The following FARP1 variants were observed in gnomAD, a reference collection of about 807,000 sequenced individuals.
The protein encoded by FARP1 is FERM, ARH/RhoGEF and pleckstrin domain protein 1, also known as FERM, ARHGEF and pleckstrin domain-containing protein 1.
In FARP1, 52 loss-of-function variants were observed where a neutral mutation model predicts 128.8. The ratio of observed to expected loss-of-function variants is 0.40; its 90% CI spans 0.32 to 0.51. The LOEUF (loss-of-function observed/expected upper bound fraction) is 0.51. Among genes scored for constraint, FARP1 ranks in the 20% least tolerant of loss-of-function variants. The pLI, the probability that FARP1 is intolerant of heterozygous loss-of-function variation, is 0.45. For missense variants in FARP1, 1,333 were observed against 1,367.9 expected (o/e 0.97, Z 0.40); for synonymous variants, 580 against 551.8 (o/e 1.05, Z -0.72).
chr13:98,171,308 TG>T (rs1213076865), intron 1 of FARP1, among the ~76,000 whole-genome samples: 1 of 152,234 alleles, frequency 6.6e-6, no homozygotes, highest in Non-Finnish European at 1.5e-5. Context: ...AGAGGGTCCC[TG>T]GGTGCAAAGG....
At position 98,438,706 on chromosome 13, in the gene FARP1, CAG is replaced by C. The variant is rs1238528399; in HGVS notation, c.2275-97_2275-96del. ...GGTCTGCACGCTCGCAGTCAGCCCT[CAG>C]GGGCTACAAATTTAGCCCTCGGGGT... On this transcript the variant is annotated intron_variant, in intron 19 of 26. Coordinates refer to ENST00000319562, the MANE Select transcript of FARP1 (RefSeq NM_005766.4). The C allele has an allele frequency of 2.4e-5, 23 of 958,114 alleles. 1 individual carries two copies. Among genetic ancestry groups the C allele is most frequent in the South Asian group, 9.6e-5 (7 of 72,930 alleles). 59.4% of individuals were successfully genotyped at this position (958,114 alleles called of 1,614,324 possible). A position where few individuals can be genotyped will look rare whatever the true frequency, so the allele number is the denominator to read the frequency against.
chr13:98,267,075 C>T (rs1384876825), intron 2 of FARP1, among the ~76,000 whole-genome samples: 1 of 150,802 alleles, frequency 6.6e-6, no homozygotes, highest in African/African-American at 2.4e-5. Flanking sequence ...TATTATTTCA[C>T]CTAGGTGTTA....
intron 24 of FARP1, among the ~76,000 whole-genome samples, chr13:98,442,801 GAT>G (rs1048515943): frequency 2.6e-5 from 4 of 152,204 alleles, no homozygotes; most frequent in African/African-American, 9.6e-5. Context: ...GAAGCCAGTC[GAT>G]GTGTGGCGCC....
At chr13:98,417,570 T>A (rs1170911924) in intron 16 of FARP1, among the ~76,000 whole-genome samples, 1 of 151,488 alleles carries the variant, frequency 6.6e-6, no homozygotes, top group Non-Finnish European at 1.5e-5. Flanking sequence ...GGAAGGTAGT[T>A]CCTGGTGTAC....
chr13:98,181,073 A>G (rs986071677), intron 1 of FARP1, among the ~76,000 whole-genome samples: 2 of 151,800 alleles, frequency 1.3e-5, no homozygotes, highest in Non-Finnish European at 2.9e-5. Flanking sequence ...TTAAGACAGA[A>G]TTTTGCTCTT....
At chr13:98,209,155 C>T (rs1177140448) in intron 1 of FARP1, among the ~76,000 whole-genome samples, 2 of 152,024 alleles carry the variant, frequency 1.3e-5, no homozygotes, top group African/African-American at 4.8e-5. Flanking sequence ...ACTATAGGCG[C>T]CCACCACCAT....
At chr13:98,345,276 G>GT (rs1254001837) in intron 3 of FARP1, among the ~76,000 whole-genome samples, 1 of 152,198 alleles carries the variant, frequency 6.6e-6, no homozygotes. Flanking sequence ...TGCAGGAGCT[G>GT]TTTGTCTAAA....
chr13:98,235,369 G>T (rs961232329), intron 2 of FARP1, among the ~76,000 whole-genome samples: 10 of 152,166 alleles, frequency 6.6e-5, no homozygotes, highest in African/African-American at 2.4e-4. Flanking sequence ...GCACTGAGAA[G>T]AAATTCTAAA....
rs765330638 is a variant in FARP1, at chr13:98,448,308, T to C, written c.3129T>C (p.Leu1043=). 6.2e-7 allele frequency: 1 copy of C among 1,612,694 alleles called. No individual in the cohort carries two copies. Among genetic ancestry groups the C allele is most frequent in the Non-Finnish European group, 8.5e-7 (1 of 1,178,658 alleles). ...ACGTGTTGAGTCACAAAGAGTCTCTTGTGTATTGATGGCCGGACACACTCG... is the reference window on the plus strand; with the variant it reads ...ACGTGTTGAGTCACAAAGAGTCTCTCGTGTATTGATGGCCGGACACACTCG... ...RPHVLSHKES[L]VY is the part of the protein sequence containing the mutation. Residue 1043 remains leucine (L), a synonymous_variant, in exon 27 of 27, where the codon CTT becomes CTC. Transcript: ENST00000319562.
chr13:98,178,795 T>C (rs745646637), intron 1 of FARP1, among the ~76,000 whole-genome samples: 22 of 152,232 alleles, frequency 1.4e-4, no homozygotes, highest in Non-Finnish European at 3.1e-4. Context: ...TGAATAAGCT[T>C]ACAGTGTAAA....
At chr13:98,245,157 G>C (rs1882990122) in intron 2 of FARP1, 2 of 991,306 alleles carry the variant, frequency 2.0e-6, no homozygotes, top group African/African-American at 3.5e-5. Context: ...TTCCTGAAAG[G>C]GTTTAGTTTT....
At position 98,446,612 on chromosome 13, in the gene FARP1, CCAGCAGCAG is replaced by C. The variant is rs1481892794; in HGVS notation, c.2905-53_2905-45del. The C allele has an allele frequency of 5.8e-5, 92 of 1,589,764 alleles. No individual in the cohort carries two copies. The Admixed American group carries it at 1.5e-3, about 26-fold the overall frequency. ...GTCTGATGCGGGGCAGCAGCCAGGCCCAGCAGCAGAAGCTGACCCCGAAAAGCCACTTTG... is the reference window on the plus strand; with the variant it reads ...GTCTGATGCGGGGCAGCAGCCAGGCCAAGCTGACCCCGAAAAGCCACTTTG... On this transcript the variant is annotated intron_variant, in intron 25 of 26. Transcript: ENST00000319562.
rs1255862413 is a variant in FARP1 at position 98,452,875 on chromosome 13, GTTTTTA to G, written c.*4559_*4564del. 3.2e-6 allele frequency: 1 copy of G among 317,062 alleles called. No individual in the cohort carries two copies. The highest frequency in any genetic ancestry group is 2.2e-5 in the African/African-American group (1 of 46,480). 19.6% of individuals were successfully genotyped at this position (317,062 alleles called of 1,614,324 possible). A position where few individuals can be genotyped will look rare whatever the true frequency, so the allele number is the denominator to read the frequency against. Reference sequence around the variant, plus strand: ...AATATACATTTCAGGGTTTGTTTTTGTTTTTAAAGACACTTTCCTGGAATATGTGCA... The same window carrying G: ...AATATACATTTCAGGGTTTGTTTTTGAAGACACTTTCCTGGAATATGTGCA... On this transcript the variant is annotated 3_prime_UTR_variant, in exon 27 of 27. Coordinates refer to ENST00000319562, the MANE Select transcript of FARP1 (RefSeq NM_005766.4).
intron 16 of FARP1, among the ~76,000 whole-genome samples, chr13:98,417,992 T>A (rs1891451878): frequency 6.6e-6 from 1 of 152,206 alleles, no homozygotes; most frequent in African/African-American, 2.4e-5. Context: ...AACCCAAATG[T>A]CCATTGACAT....
chr13:98,395,316 C>T lies in FARP1; in HGVS notation c.1254C>T (p.Ser418=), dbSNP rs780341577. ...GGCGAGGAAAGGAACCGAAGGTTTC[C>T]GCCGGGGAGCCGGGGTCGCACCCGA... The part of the protein sequence containing the change: ...SCRRGKEPKV[S]AGEPGSHPSP... Residue 418 remains serine (S), a synonymous_variant, in exon 13 of 27, where the codon TCC becomes TCT. Coordinates refer to ENST00000319562, the MANE Select transcript of FARP1 (RefSeq NM_005766.4). The T allele has an allele frequency of 2.6e-5, 42 of 1,610,260 alleles. No individual in the cohort carries two copies. In the Admixed American group the frequency reaches 6.5e-4, roughly 25 times the overall value.
At chr13:98,325,819 T>C (rs1887205616) in intron 2 of FARP1, among the ~76,000 whole-genome samples, 2 of 152,262 alleles carry the variant, frequency 1.3e-5, no homozygotes, top group African/African-American at 2.4e-5. Context: ...GTGAGAGTTA[T>C]ATCTCTTGTT....
chr13:98,275,214 C>T (rs17565003), intron 2 of FARP1, among the ~76,000 whole-genome samples: 23,995 of 151,874 alleles, frequency 0.16, 2,067 homozygotes, highest in Non-Finnish European at 0.19. Context: ...ATCGTAAACA[C>T]GAACAGATGA....
At chr13:98,212,249 T>G (rs2139321879) in intron 1 of FARP1, among the ~76,000 whole-genome samples, 1 of 152,296 alleles carries the variant, frequency 6.6e-6, no homozygotes, top group South Asian at 2.1e-4. Context: ...AGAGGTGGGG[T>G]TTCACTATGT....
At chr13:98,285,890 T>C (rs1566833633) in intron 2 of FARP1, among the ~76,000 whole-genome samples, 1 of 152,136 alleles carries the variant, frequency 6.6e-6, no homozygotes, top group Non-Finnish European at 1.5e-5. Context: ...CAGGCTACTG[T>C]CTTCTCACCC....
Sources: gnomAD v4.1 joint callset for allele counts (sites outside exome capture counted in the v4.1 genomes callset) on GRCh38, gnomAD v4.1.1 for gene constraint, MANE v1.5 for transcripts, NCBI Gene and HGNC (gene_info 2026-07-23, HGNC 2026-07-21) for gene names.